Variants in LEF1 observed in about 807,000 individuals in gnomAD.
LEF1 encodes lymphoid enhancer-binding factor 1.
Under a neutral mutation model 51.2 loss-of-function variants are expected in LEF1, and 14 were observed. That is an observed-to-expected ratio of 0.27 (90% CI 0.18 to 0.43). The LOEUF is 0.43. Among genes scored for constraint, LEF1 ranks in the 20% least tolerant of loss-of-function variants. LEF1 has a pLI of 1.00. For synonymous variants in LEF1, 185 were observed against 183.2 expected (o/e 1.01, Z -0.08); for missense variants, 386 against 512.0 (o/e 0.75, Z 2.37).
chr4:108,057,058 T>G (rs1432772367), intron 11 of LEF1, among the ~76,000 whole-genome samples: 1 of 152,046 alleles, frequency 6.6e-6, no homozygotes, highest in Non-Finnish European at 1.5e-5. Context: ...TTCTCCCCAG[T>G]TTGACATCCC....
chr4:108,062,874 CAGG>C (rs1470374944), intron 11 of LEF1, among the ~76,000 whole-genome samples: 1 of 152,022 alleles, frequency 6.6e-6, no homozygotes, highest in African/African-American at 2.4e-5. Flanking sequence ...GAACTGTTAC[CAGG>C]AGAAGAGGTA....
At chr4:108,145,211 G>A (rs927848136) in intron 3 of LEF1, among the ~76,000 whole-genome samples, 1 of 152,078 alleles carries the variant, frequency 6.6e-6, no homozygotes, top group East Asian at 1.9e-4. Flanking sequence ...TATGCCAGAC[G>A]GTCAAGAATG....
intron 2 of LEF1, among the ~76,000 whole-genome samples, chr4:108,164,476 T>C (rs922664247): frequency 1.1e-4 from 16 of 152,330 alleles, no homozygotes; most frequent in African/African-American, 3.8e-4. Context: ...TCCCTAAGGT[T>C]ACTTGATTCT....
chr4:108,117,627 C>T (rs1301725422), intron 3 of LEF1, among the ~76,000 whole-genome samples: 2 of 152,236 alleles, frequency 1.3e-5, no homozygotes, highest in Non-Finnish European at 2.9e-5. Flanking sequence ...GGCTGAGTGT[C>T]ACCACTCCAG....
At chr4:108,119,335 C>A (rs1742026289) in intron 3 of LEF1, among the ~76,000 whole-genome samples, 1 of 151,702 alleles carries the variant, frequency 6.6e-6, no homozygotes, top group Non-Finnish European at 1.5e-5. Flanking sequence ...CCTTTAAATG[C>A]ACACACTGAG....
At chr4:108,074,264 T>G (rs1055265252) in intron 8 of LEF1, among the ~76,000 whole-genome samples, 8 of 152,206 alleles carry the variant, frequency 5.3e-5, no homozygotes, top group African/African-American at 1.9e-4. Flanking sequence ...TCAAACTTTT[T>G]AAAAATCAAA....
At chr4:108,161,385 A>C (rs1414921851) in intron 3 of LEF1, among the ~76,000 whole-genome samples, 1 of 152,238 alleles carries the variant, frequency 6.6e-6, no homozygotes, top group Admixed American at 6.5e-5. Flanking sequence ...AAAGCAAAGC[A>C]ACAGATAACA....
chr4:108,129,615 G>C (rs1742742908), intron 3 of LEF1, among the ~76,000 whole-genome samples: 1 of 152,168 alleles, frequency 6.6e-6, no homozygotes, highest in South Asian at 2.1e-4. Flanking sequence ...ATTCCAGATA[G>C]AGAACAAAAA....
At chr4:108,069,304 CAT>C (rs1260159830) in intron 9 of LEF1, among the ~76,000 whole-genome samples, 3 of 152,182 alleles carry the variant, frequency 2.0e-5, no homozygotes, top group Non-Finnish European at 4.4e-5. Flanking sequence ...TGAACTCAGA[CAT>C]AATAACTGCA....
chr4:108,106,100 T>C (rs1003928359), intron 3 of LEF1, among the ~76,000 whole-genome samples: 1 of 152,154 alleles, frequency 6.6e-6, no homozygotes. Context: ...AGCCCAGATA[T>C]GGCTCAGGGA....
chr4:108,060,540 A>G (rs1341095808), intron 11 of LEF1, among the ~76,000 whole-genome samples: 2 of 152,108 alleles, frequency 1.3e-5, no homozygotes, highest in Non-Finnish European at 2.9e-5. Flanking sequence ...TGCTCTTTCC[A>G]TAACGTGACG....
intron 3 of LEF1, among the ~76,000 whole-genome samples, chr4:108,134,604 T>C (rs1560814997): frequency 6.6e-6 from 1 of 152,258 alleles, no homozygotes. Context: ...ATTAAACTCT[T>C]ATCAATGTGA....
At chr4:108,121,061 T>C (rs973571617) in intron 3 of LEF1, among the ~76,000 whole-genome samples, 5 of 152,224 alleles carry the variant, frequency 3.3e-5, no homozygotes, top group Non-Finnish European at 1.5e-5. Flanking sequence ...ATTGTAAAAG[T>C]GCTTTATATG....
intron 3 of LEF1, among the ~76,000 whole-genome samples, chr4:108,118,356 T>G (rs1741963989): frequency 6.6e-6 from 1 of 152,220 alleles, no homozygotes; most frequent in African/African-American, 2.4e-5. Flanking sequence ...ACTCAACAGA[T>G]CGATTTGTCA....
intron 4 of LEF1, among the ~76,000 whole-genome samples, chr4:108,085,280 C>T (rs752235209): frequency 1.3e-5 from 2 of 152,156 alleles, no homozygotes; most frequent in East Asian, 1.9e-4. Context: ...GACAGGGCTT[C>T]GCCATGTTGG....
intron 11 of LEF1, among the ~76,000 whole-genome samples, chr4:108,056,484 C>T (rs189992538): frequency 2.6e-5 from 4 of 152,334 alleles, no homozygotes; most frequent in Admixed American, 6.5e-5. Flanking sequence ...CCTAGGGATC[C>T]TGGAACAATG....
Position 108,168,501 on chromosome 4 carries a change from T to C in LEF1, c.-734A>G, listed in dbSNP as rs1745555969. The C allele has an allele frequency of 6.6e-6, 1 of 152,258 alleles. No homozygotes were observed. The highest frequency in any genetic ancestry group is 2.1e-4 in the South Asian group (1 of 4,828). 9.4% of individuals were successfully genotyped at this position (152,258 alleles called of 1,614,324 possible). On this transcript the variant is annotated 5_prime_UTR_variant, in exon 1 of 12. Transcript: ENST00000265165. The surrounding 1 kb of genome is among the most constrained non-coding windows in gnomAD (Gnocchi z 4.6). ...CTAGAGAAGGAGGAGGAGCAGAAGA[T>C]GGGGGCCGAGGAGGAGGGGAAGAGA...
rs1229918804 is a variant in LEF1, at chr4:108,167,776, C to T, written c.-9G>A. The T allele has an allele frequency of 2.5e-6, 4 of 1,610,114 alleles. No individual in the cohort carries two copies. The Admixed American group carries it at 6.7e-5, about 27-fold the overall frequency. ...CCGGAGAGTTGGGGCATCCCGGCGG[C>T]TCTGTAATCTCCGCTCCGCTGTGGG... On this transcript the variant is annotated 5_prime_UTR_variant, in exon 1 of 12. Transcript: ENST00000265165. The surrounding 1 kb of genome is among the most constrained non-coding windows in gnomAD (Gnocchi z 5.7).
At chr4:108,142,054 C>T (rs1743691385) in intron 3 of LEF1, among the ~76,000 whole-genome samples, 1 of 152,096 alleles carries the variant, frequency 6.6e-6, no homozygotes, top group African/African-American at 2.4e-5. Context: ...TGGCTAAATA[C>T]ACACTTTTTC....
Sources: allele counts gnomAD v4.1 joint callset (sites outside exome capture counted in the v4.1 genomes callset), GRCh38; gene constraint gnomAD v4.1.1; non-coding constraint Gnocchi (gnomAD v3.1); transcripts MANE v1.5; gene names NCBI Gene and HGNC (gene_info 2026-07-23, HGNC 2026-07-21).